ABHD17B: variants seen among roughly 807,000 people sequenced by gnomAD.
ABHD17B encodes the protein abhydrolase domain containing 17B, depalmitoylase, also known as alpha/beta hydrolase domain-containing protein 17B.
ABHD17B carries 9 observed loss-of-function variants against 26.2 expected under a neutral mutation model. That is an observed-to-expected ratio of 0.34 (90% CI 0.21 to 0.60). The LOEUF (loss-of-function observed/expected upper bound fraction) is 0.60, where lower values mean the gene tolerates loss of function less well. Ranked by LOEUF, ABHD17B falls within the 20% of genes least tolerant of loss-of-function variation. The pLI is 0.80. For missense variants in ABHD17B, 224 were observed against 352.1 expected, an observed-to-expected ratio of 0.64 and a Z score of 2.91; for synonymous variants, 127 against 122.3, an observed-to-expected ratio of 1.04 and a Z score of -0.25.
intron 3 of ABHD17B, among the ~76,000 whole-genome samples, chr9:71,867,495 A>G (rs1374699925): frequency 6.6e-6 from 1 of 152,238 alleles, no homozygotes; most frequent in Non-Finnish European, 1.5e-5. Flanking sequence ...AAAATGTTGG[A>G]GCTGGAAAGA....
In ABHD17B at chr9:71,865,644, T is replaced by G; in HGVS notation, c.*1143A>C. ...ACTTTGGGAGGCCAAGGGCAGATCA[T>G]GAGGTCAGGAGTTCAAGACCAGCCT... On this transcript the variant is annotated 3_prime_UTR_variant, in exon 4 of 4. Coordinates refer to ENST00000333421, the MANE Select transcript of ABHD17B (RefSeq NM_001025780.3). 1.1e-6 allele frequency: 1 copy of G among 880,902 alleles called. No homozygotes were observed. Among genetic ancestry groups the G allele is most frequent in the Non-Finnish European group, 1.4e-6 (1 of 735,050 alleles). The allele number at this position is 880,902 out of a possible 1,614,324, so 54.6% of individuals were successfully genotyped here. A position where few individuals can be genotyped will look rare whatever the true frequency, so the allele number is the denominator to read the frequency against.
chr9:71,862,757 C>T (rs2132110801), downstream of ABHD17B: 1 of 575,086 alleles, frequency 1.7e-6, no homozygotes, highest in Non-Finnish European at 3.1e-6. Context: ...ATGATAATTG[C>T]TGTCAGTCTA....
In ABHD17B at chr9:71,865,188, A is replaced by G; in HGVS notation, c.*1599T>C. 2.0e-6 allele frequency: 2 copies of G among 985,562 alleles called. No homozygotes were observed. The highest frequency in any genetic ancestry group is 2.4e-6 in the Non-Finnish European group (2 of 829,920). 61.1% of individuals were successfully genotyped at this position (985,562 alleles called of 1,614,324 possible). ...TTTGTTGTTTTACTGTTAATTTGAC[A>G]CATCTGAACCAAAGCATTCACAATA... On this transcript the variant is annotated 3_prime_UTR_variant, in exon 4 of 4. Coordinates refer to ENST00000333421, the MANE Select transcript of ABHD17B (RefSeq NM_001025780.3).
At chr9:71,905,255 TG>T (rs1408340527) in intron 1 of ABHD17B, among the ~76,000 whole-genome samples, 1 of 151,992 alleles carries the variant, frequency 6.6e-6, no homozygotes, top group Non-Finnish European at 1.5e-5. Flanking sequence ...CCTGAGTAGC[TG>T]GGATTACAGG....
chr9:71,894,309 T>C (rs953940017), intron 1 of ABHD17B, among the ~76,000 whole-genome samples: 1 of 152,154 alleles, frequency 6.6e-6, no homozygotes, highest in Non-Finnish European at 1.5e-5. Context: ...TGTATACATA[T>C]AAAACTGGAT....
At chr9:71,867,575 G>T (rs1825993062) in intron 3 of ABHD17B, among the ~76,000 whole-genome samples, 1 of 152,172 alleles carries the variant, frequency 6.6e-6, no homozygotes, top group African/African-American at 2.4e-5. Context: ...GTAAAGTGAT[G>T]AACGAAACCA....
chr9:71,870,321 C>A lies in ABHD17B; in HGVS notation c.468-59G>T, dbSNP rs997091714. 1.1e-5 allele frequency: 16 copies of A among 1,416,946 alleles called. No homozygotes were observed. In the African/African-American group the frequency reaches 2.1e-4, roughly 19 times the overall value. The allele number at this position is 1,416,946 out of a possible 1,614,324, so 87.8% of individuals were successfully genotyped here. A position where few individuals can be genotyped will look rare whatever the true frequency, so the allele number is the denominator to read the frequency against. On this transcript the variant is annotated intron_variant, in intron 2 of 3. Transcript: ENST00000333421. ...AAAAGTTGGAGTGATATGAAATGTT[C>A]CATCATTCCAAAGGATTTGATCTTA...
At chr9:71,908,692 T>C (rs889165040) in intron 1 of ABHD17B, among the ~76,000 whole-genome samples, 6 of 152,244 alleles carry the variant, frequency 3.9e-5, no homozygotes, top group African/African-American at 1.4e-4. Context: ...GGAGAGTCAT[T>C]CTCCTTATCT....
At position 71,889,091 on chromosome 9, in the gene ABHD17B, C is replaced by T. The variant is rs529041017; in HGVS notation, c.-3-14008G>A. On this transcript the variant is annotated intron_variant, in intron 1 of 3. Coordinates refer to ENST00000333421, the MANE Select transcript of ABHD17B (RefSeq NM_001025780.3). ...CAGCACTTTGGGAGGCTGAGGCGGG[C>T]GGATCACAAGGTTAGGAGTTCGAGA... Among the ~76,000 whole-genome samples, 895 of 150,454 alleles carry T rather than the reference C, an allele frequency of 5.9e-3. 2 individuals carry two copies. The highest frequency in any genetic ancestry group is 0.014 in the Middle Eastern group (4 of 282).
chr9:71,868,181 T>C (rs1000282953), intron 3 of ABHD17B, among the ~76,000 whole-genome samples: 5 of 151,716 alleles, frequency 3.3e-5, no homozygotes, highest in African/African-American at 1.2e-4. Context: ...ATCACACCAT[T>C]GTACTCCAGC....
At chr9:71,867,309 G>C (rs938368510) in intron 3 of ABHD17B, among the ~76,000 whole-genome samples, 1 of 152,104 alleles carries the variant, frequency 6.6e-6, no homozygotes, top group African/African-American at 2.4e-5. Flanking sequence ...AGAAACTTAG[G>C]TGTCCAGAAG....
Position 71,875,045 on chromosome 9 carries a change from G to T in ABHD17B, c.36C>A (p.Leu12=). 1 of 1,612,862 alleles carries T rather than the reference G, an allele frequency of 6.2e-7. No homozygotes were observed. The highest frequency in any genetic ancestry group is 8.5e-7 in the Non-Finnish European group (1 of 1,179,220). The change falls in exon 2 of 4, where the codon CTC becomes CTA. Residue 12 remains leucine (L), a synonymous_variant. Coordinates refer to ENST00000333421, the MANE Select transcript of ABHD17B (RefSeq NM_001025780.3). The part of the protein sequence containing the change: ...NNLSFSELCC[L]FCCPPCPGKI... ...TCCCTGGACAAGGTGGACAGCAGAAGAGGCAACATAGCTCACTAAATGAAA... is the reference window on the plus strand; with the variant it reads ...TCCCTGGACAAGGTGGACAGCAGAATAGGCAACATAGCTCACTAAATGAAA...
intron 1 of ABHD17B, among the ~76,000 whole-genome samples, chr9:71,884,927 A>C (rs1826560456): frequency 6.6e-6 from 1 of 152,194 alleles, no homozygotes; most frequent in Non-Finnish European, 1.5e-5. Flanking sequence ...AAAATGCAAA[A>C]ATGTTTTGTT....
chr9:71,902,686 G>A (rs555126005), intron 1 of ABHD17B: 1 of 152,242 alleles, frequency 6.6e-6, no homozygotes, highest in African/African-American at 2.4e-5. Context: ...TAACTGATAT[G>A]CAGAGAATAA....
intron 2 of ABHD17B, among the ~76,000 whole-genome samples, chr9:71,871,946 C>T (rs1442650090): frequency 6.6e-6 from 1 of 152,224 alleles, no homozygotes; most frequent in South Asian, 2.1e-4. Context: ...ATCCAATTTT[C>T]CCAAAAAGGA....
At chr9:71,884,006 T>C (rs1454257409) in intron 1 of ABHD17B, among the ~76,000 whole-genome samples, 1 of 151,528 alleles carries the variant, frequency 6.6e-6, no homozygotes, top group Non-Finnish European at 1.5e-5. Flanking sequence ...ACTGTCAGAA[T>C]ATTTAAAATG....
chr9:71,873,076 T>G (rs2132134002), intron 2 of ABHD17B, among the ~76,000 whole-genome samples: 1 of 152,134 alleles, frequency 6.6e-6, no homozygotes, highest in East Asian at 1.9e-4. Flanking sequence ...AATGAAATCT[T>G]TAATATTTAA....
intron 1 of ABHD17B, among the ~76,000 whole-genome samples, chr9:71,889,190 G>A (rs777341814): frequency 8.6e-5 from 13 of 151,878 alleles, no homozygotes; most frequent in African/African-American, 2.7e-4. Flanking sequence ...GGTGGCAGGC[G>A]CCTGTAATCA....
chr9:71,867,718 C>T (rs915537982), intron 3 of ABHD17B, among the ~76,000 whole-genome samples: 1 of 152,038 alleles, frequency 6.6e-6, no homozygotes, highest in South Asian at 2.1e-4. Context: ...TTTGCCTGTT[C>T]ATATACCCAG....
Sources: gnomAD v4.1 joint callset for allele counts (sites outside exome capture counted in the v4.1 genomes callset) on GRCh38, gnomAD v4.1.1 for gene constraint, MANE v1.5 for transcripts, NCBI Gene and HGNC (gene_info 2026-07-23, HGNC 2026-07-21) for gene names.